Variants in PARN observed in about 807,000 individuals in gnomAD.
The protein encoded by PARN is poly(A)-specific ribonuclease PARN.
Under a neutral mutation model 102.8 loss-of-function variants are expected in PARN, and 71 were observed. The ratio of observed to expected loss-of-function variants is 0.69; its 90% CI spans 0.57 to 0.84. The LOEUF (loss-of-function observed/expected upper bound fraction) is 0.84. Among genes scored for constraint, PARN ranks in the 40% least tolerant of loss-of-function variants. PARN has a pLI of 0.00. For synonymous variants in PARN, 261 were observed against 252.9 expected (o/e 1.03, Z -0.30); for missense variants, 782 against 760.9 (o/e 1.03, Z -0.33).
intron 21 of PARN, among the ~76,000 whole-genome samples, chr16:14,521,262 A>G (rs1965716965): frequency 6.6e-6 from 1 of 152,224 alleles, no homozygotes; most frequent in East Asian, 1.9e-4. Flanking sequence ...CTTTAGAATA[A>G]TGAAGATGAG....
chr16:14,471,446 C>T (rs1962734201), intron 22 of PARN, among the ~76,000 whole-genome samples: 1 of 152,102 alleles, frequency 6.6e-6, no homozygotes, highest in Non-Finnish European at 1.5e-5. Context: ...CATTCTCAAC[C>T]ATCAAAAGAA....
At chr16:14,629,823 C>T (rs1972922072) in intron 1 of PARN, 149 bp from the exon 2 acceptor site, 1 of 694,212 alleles carries the variant, frequency 1.4e-6, no homozygotes, top group East Asian at 2.7e-5. Context: ...ATCAAGTCCT[C>T]GAGGGGTGCA....
At chr16:14,483,089 C>T (rs954077874) in intron 21 of PARN, among the ~76,000 whole-genome samples, 68 of 152,080 alleles carry the variant, frequency 4.5e-4, no homozygotes, top group African/African-American at 1.6e-3. Context: ...TGTAAAGAAC[C>T]GGTAATGATA....
At chr16:14,517,457 G>A (rs1437384074) in intron 21 of PARN, among the ~76,000 whole-genome samples, 1 of 152,180 alleles carries the variant, frequency 6.6e-6, no homozygotes, top group Non-Finnish European at 1.5e-5. Flanking sequence ...AGCCAGTCTG[G>A]CCTAGACCAG....
intron 22 of PARN, among the ~76,000 whole-genome samples, chr16:14,449,717 CT>C (rs1754175319): frequency 6.6e-6 from 1 of 152,218 alleles, no homozygotes. Flanking sequence ...ATTACACACA[CT>C]CCTTAAACAC....
At chr16:14,484,132 A>AG (rs1266999951) in intron 21 of PARN, among the ~76,000 whole-genome samples, 6 of 152,210 alleles carry the variant, frequency 3.9e-5, no homozygotes, top group Non-Finnish European at 8.8e-5. Context: ...TCTGCCTTAA[A>AG]GACTGCTAAT....
intron 21 of PARN, among the ~76,000 whole-genome samples, chr16:14,486,110 T>A (rs1963672038): frequency 6.6e-6 from 1 of 152,078 alleles, no homozygotes; most frequent in African/African-American, 2.4e-5. Flanking sequence ...GTCCCAGCAC[T>A]CTGGGAGGCC....
chr16:14,558,520 G>C (rs541060958), intron 18 of PARN: 71 of 151,878 alleles, frequency 4.7e-4, no homozygotes, highest in African/African-American at 1.6e-3. Context: ...TTAATGAAAC[G>C]TATCAAGCAC....
intron 21 of PARN, among the ~76,000 whole-genome samples, chr16:14,540,838 C>A (rs1402160450): frequency 6.6e-6 from 1 of 151,934 alleles, no homozygotes; most frequent in African/African-American, 2.4e-5. Context: ...GTAGTCCCAG[C>A]TACTCAGGAG....
chr16:14,449,245 G>A (rs1961340752), intron 22 of PARN, among the ~76,000 whole-genome samples: 1 of 152,112 alleles, frequency 6.6e-6, no homozygotes, highest in Non-Finnish European at 1.5e-5. Context: ...TCTACTGTAT[G>A]ATAACAGTGG....
intron 12 of PARN, 114 bp from the exon 13 acceptor site, chr16:14,593,492 TAAAAAAAAAAAAAAAA>T (rs35329440): frequency 1.0e-3 from 32 of 31,794 alleles, no homozygotes; most frequent in Admixed American, 1.7e-3. Flanking sequence ...TTTCCAGACT[TAAAAAAAAAAAAAAAA>T]AAAAAAAAAA....
chr16:14,619,271 G>C (rs1229877763), intron 5 of PARN, among the ~76,000 whole-genome samples: 1 of 151,880 alleles, frequency 6.6e-6, no homozygotes, highest in Non-Finnish European at 1.5e-5. Flanking sequence ...CTCGAACCTA[G>C]CATGAGCCAA....
chr16:14,612,831 A>G (rs1424023543), intron 6 of PARN, among the ~76,000 whole-genome samples: 1 of 151,916 alleles, frequency 6.6e-6, no homozygotes, highest in Admixed American at 6.6e-5. Context: ...TCCTGACCTC[A>G]GGTCATCTGC....
chr16:14,615,171 C>T (rs1004419339), intron 6 of PARN, among the ~76,000 whole-genome samples: 7 of 152,080 alleles, frequency 4.6e-5, no homozygotes, highest in Admixed American at 2.0e-4. Flanking sequence ...ATATCAACAA[C>T]GGCATGGGAT....
chr16:14,477,503 C>A (rs947708708), intron 22 of PARN, among the ~76,000 whole-genome samples: 3 of 144,288 alleles, frequency 2.1e-5, no homozygotes, highest in Non-Finnish European at 4.5e-5. Context: ...ACAGGCTGGG[C>A]GCGATGGCTC....
intron 22 of PARN, among the ~76,000 whole-genome samples, chr16:14,452,672 G>A (rs1162003354): frequency 1.3e-5 from 2 of 152,178 alleles, no homozygotes; most frequent in Non-Finnish European, 2.9e-5. Flanking sequence ...CTGTATTTCT[G>A]CTCTCAAGTA....
rs1280911538 is a variant in PARN at position 14,609,126 on chromosome 16, G to C, written c.555-3C>G. 3 of 1,440,586 alleles carry C rather than the reference G, an allele frequency of 2.1e-6. No homozygotes were observed. Among genetic ancestry groups the C allele is most frequent in the Non-Finnish European group, 2.9e-6 (3 of 1,037,946 alleles). 89.2% of individuals were successfully genotyped at this position (1,440,586 alleles called of 1,614,324 possible). On this transcript the variant is annotated splice_polypyrimidine_tract_variant and splice_region_variant and intron_variant, in intron 7 of 23. Transcript: ENST00000437198. ...GTAATAAATCCTCTATTTTCTCTCT[G>C]AGGAATAAGAATAGACCATAACCAT...
chr16:14,532,783 A>G lies in PARN; in HGVS notation c.1480+19238T>C, dbSNP rs889584980. Reference sequence around the variant, plus strand: ...GCTGACCCCCCCACCTCCCTCCTGGACGGGGCGGCTGGCCGGGCGGGGGGC... The same window carrying G: ...GCTGACCCCCCCACCTCCCTCCTGGGCGGGGCGGCTGGCCGGGCGGGGGGC... On this transcript the variant is annotated intron_variant, in intron 21 of 23. Coordinates refer to ENST00000437198, the MANE Select transcript of PARN (RefSeq NM_002582.4). Among the ~76,000 whole-genome samples the G allele has an allele frequency of 4.0e-5, 6 of 148,392 alleles. No homozygotes were observed. In the South Asian group the frequency reaches 1.3e-3, roughly 32 times the overall value.
chr16:14,514,264 A>G (rs1363145627), intron 21 of PARN, among the ~76,000 whole-genome samples: 1 of 152,176 alleles, frequency 6.6e-6, no homozygotes, highest in Non-Finnish European at 1.5e-5. Flanking sequence ...GGCTCACTGC[A>G]ACCTCTGCCT....
Sources: allele counts gnomAD v4.1 joint callset (sites outside exome capture counted in the v4.1 genomes callset), GRCh38; gene constraint gnomAD v4.1.1; transcripts MANE v1.5; gene names NCBI Gene and HGNC (gene_info 2026-07-23, HGNC 2026-07-21).